FAM133A: variants seen among roughly 807,000 people sequenced by gnomAD.
The protein encoded by FAM133A is protein FAM133A.
For missense variants in FAM133A, 159 were observed against 164.4 expected, an observed-to-expected ratio of 0.97 and a Z score of 0.18; for synonymous variants, 65 against 58.6, an observed-to-expected ratio of 1.11 and a Z score of -0.50.
At chrX:93,694,951 A>G (rs1281925353) in intron 2 of FAM133A, among the ~76,000 whole-genome samples, 1 of 112,004 alleles carries the variant, frequency 8.9e-6, no homozygotes, top group East Asian at 2.8e-4. Context: ...AAGCTATTGC[A>G]TGGGCATTCT....
rs1024873958 is a variant in FAM133A, at chrX:93,711,978, C to T, written c.*1812C>T. The T allele has an allele frequency of 9.7e-5, 12 of 123,336 alleles. No individual in the cohort carries two copies. Among genetic ancestry groups the T allele is most frequent in the African/African-American group, 3.9e-4 (12 of 30,782 alleles). 10.2% of individuals were successfully genotyped at this position (123,336 alleles called of 1,213,427 possible). On this transcript the variant is annotated 3_prime_UTR_variant, in exon 4 of 4. Transcript: ENST00000683942. ...TCATGTATCTATCTGCTCCTGTTCA[C>T]TTCCAAACCTCTTGTAGTTAGGCAA...
intron 3 of FAM133A, among the ~76,000 whole-genome samples, chrX:93,707,425 A>G (rs1314061145): frequency 7.2e-5 from 8 of 111,159 alleles, no homozygotes; most frequent in African/African-American, 2.3e-4. Flanking sequence ...TAAGATGGAG[A>G]TTGATAGAAA....
intron 2 of FAM133A, among the ~76,000 whole-genome samples, chrX:93,696,836 C>T (rs1926315808): frequency 9.2e-6 from 1 of 109,082 alleles, no homozygotes; most frequent in South Asian, 4.0e-4. Flanking sequence ...AGGAGAATGG[C>T]GTGAACCCGG....
chrX:93,679,915 ATTTTTTTTTTTTTTTTTTTT>A (rs376335726), intron 2 of FAM133A, among the ~76,000 whole-genome samples: 15 of 62,443 alleles, frequency 2.4e-4, no homozygotes, highest in Admixed American at 7.8e-4. Flanking sequence ...CTCCTGGCAA[ATTTTTTTTTTTTTTTTTTTT>A]TTTTTTTTTT....
chrX:93,689,780 A>G (rs1038749328), intron 2 of FAM133A, among the ~76,000 whole-genome samples: 1 of 111,768 alleles, frequency 8.9e-6, no homozygotes, highest in Non-Finnish European at 1.9e-5. Flanking sequence ...AGGATATCAA[A>G]CGAGCAAGAC....
intron 2 of FAM133A, among the ~76,000 whole-genome samples, chrX:93,696,342 G>A (rs12008956): frequency 0.069 from 7,680 of 110,967 alleles, 611 homozygotes; most frequent in African/African-American, 0.23. Context: ...GGTAAGTGTC[G>A]ATGCCAAGGA....
chrX:93,705,324 T>TA (rs973667357), intron 3 of FAM133A, among the ~76,000 whole-genome samples: 2 of 112,009 alleles, frequency 1.8e-5, no homozygotes, highest in Non-Finnish European at 3.8e-5. Flanking sequence ...AAAATCAAGT[T>TA]ACTCTTTGTT....
At chrX:93,690,492 G>T (rs187093332) in intron 2 of FAM133A, among the ~76,000 whole-genome samples, 3 of 111,060 alleles carry the variant, frequency 2.7e-5, no homozygotes, top group African/African-American at 9.8e-5. Flanking sequence ...TCCTCATTGT[G>T]CCCAGCTTCT....
intron 2 of FAM133A, among the ~76,000 whole-genome samples, chrX:93,697,010 A>G (rs1376272665): frequency 1.8e-5 from 2 of 110,175 alleles, no homozygotes; most frequent in Admixed American, 9.6e-5. Context: ...TTCAAAGTCT[A>G]TATACCCCTT....
chrX:93,682,781 A>C (rs1925254055), intron 2 of FAM133A, among the ~76,000 whole-genome samples: 1 of 110,443 alleles, frequency 9.1e-6, no homozygotes, highest in Admixed American at 9.7e-5. Flanking sequence ...ATGCCCAGCT[A>C]ATTTTTGTAT....
intron 2 of FAM133A, among the ~76,000 whole-genome samples, chrX:93,697,228 A>ATTTT: frequency 9.3e-6 from 1 of 107,377 alleles, no homozygotes; most frequent in Non-Finnish European, 1.9e-5. Flanking sequence ...AAAAATAAAA[A>ATTTT]TATGTTTTTA....
At chrX:93,676,017 G>A (rs1218908376) in intron 2 of FAM133A, among the ~76,000 whole-genome samples, 1 of 110,710 alleles carries the variant, frequency 9.0e-6, no homozygotes, top group Non-Finnish European at 1.9e-5. Context: ...TCATGAGTTA[G>A]GGATCCAGAT....
intron 2 of FAM133A, among the ~76,000 whole-genome samples, chrX:93,682,452 G>A (rs1311058880): frequency 8.9e-6 from 1 of 111,768 alleles, no homozygotes; most frequent in African/African-American, 3.3e-5. Context: ...ACACACACAT[G>A]TTCTTTTCCT....
At chrX:93,707,594 C>A (rs919883263) in intron 3 of FAM133A, among the ~76,000 whole-genome samples, 1 of 111,165 alleles carries the variant, frequency 9.0e-6, no homozygotes, top group African/African-American at 3.3e-5. Flanking sequence ...TTCCCCCTGC[C>A]CTCTTGATCT....
At chrX:93,689,085 C>T (rs1925729810) in intron 2 of FAM133A, among the ~76,000 whole-genome samples, 1 of 106,594 alleles carries the variant, frequency 9.4e-6, no homozygotes, top group African/African-American at 3.4e-5. Context: ...AAAGTCTCCG[C>T]GGCTGGAGTG....
At position 93,710,511 on chromosome X, in the gene FAM133A, T is replaced by C; in HGVS notation, c.*345T>C. ...ACCATCAATGAAACATAAATGTAAT[T>C]TCCAGACAATTGTAGTTGGTATTTT... On this transcript the variant is annotated 3_prime_UTR_variant, in exon 4 of 4. Transcript: ENST00000683942. The C allele has an allele frequency of 6.1e-6, 1 of 163,047 alleles. No homozygotes were observed. 13.4% of individuals were successfully genotyped at this position (163,047 alleles called of 1,213,427 possible). A position where few individuals can be genotyped will look rare whatever the true frequency, so the allele number is the denominator to read the frequency against.
chrX:93,687,907 T>A (rs1014482862), intron 2 of FAM133A, among the ~76,000 whole-genome samples: 1 of 111,988 alleles, frequency 8.9e-6, no homozygotes, highest in African/African-American at 3.2e-5. Context: ...TGTGGAATCT[T>A]TCTGTCTCTG....
At chrX:93,686,489 T>G (rs1925538578) in intron 2 of FAM133A, among the ~76,000 whole-genome samples, 1 of 112,285 alleles carries the variant, frequency 8.9e-6, no homozygotes, top group African/African-American at 3.2e-5. Flanking sequence ...ACTTATGTAA[T>G]ATTTAATTCA....
At chrX:93,675,955 T>C (rs1398063222) in intron 2 of FAM133A, among the ~76,000 whole-genome samples, 2 of 111,709 alleles carry the variant, frequency 1.8e-5, no homozygotes, top group East Asian at 2.8e-4. Context: ...AAAAAATGTA[T>C]GCTCTTATGT....
Sources: allele counts gnomAD v4.1 joint callset (sites outside exome capture counted in the v4.1 genomes callset), GRCh38; gene constraint gnomAD v4.1.1; transcripts MANE v1.5; gene names NCBI Gene and HGNC (gene_info 2026-07-23, HGNC 2026-07-21).